The following PIGU variants were observed in gnomAD, a reference collection of about 807,000 sequenced individuals.
The protein encoded by PIGU is GPI-anchor transamidase component PIGU.
Under a neutral mutation model 49.9 loss-of-function variants are expected in PIGU, and 24 were observed. The ratio of observed to expected loss-of-function variants is 0.48; its 90% CI spans 0.35 to 0.68. The LOEUF is 0.68. Ranked by LOEUF, PIGU falls within the 30% of genes least tolerant of loss-of-function variation. The pLI, the probability that PIGU is intolerant of heterozygous loss-of-function variation, is 0.01. For missense variants in PIGU, 490 were observed against 532.6 expected, an observed-to-expected ratio of 0.92 and a Z score of 0.79; for synonymous variants, 220 against 205.7, an observed-to-expected ratio of 1.07 and a Z score of -0.59.
intron 4 of PIGU, chr20:34,643,895 C>T (rs1160909231): frequency 4.8e-6 from 1 of 208,486 alleles, no homozygotes; most frequent in Non-Finnish European, 9.8e-6. Context: ...TTCAGCACTA[C>T]TCCAGAAGTC....
At chr20:34,597,128 A>G (rs1218058414) in intron 7 of PIGU, among the ~76,000 whole-genome samples, 1 of 152,192 alleles carries the variant, frequency 6.6e-6, no homozygotes, top group Non-Finnish European at 1.5e-5. Context: ...TGTCCCAAAA[A>G]TTCTGCTAGG....
intron 1 of PIGU, among the ~76,000 whole-genome samples, chr20:34,670,122 T>C (rs1987259772): frequency 6.6e-6 from 1 of 152,174 alleles, no homozygotes; most frequent in Non-Finnish European, 1.5e-5. Context: ...AATGTTCACC[T>C]TACAATAATT....
intron 6 of PIGU, among the ~76,000 whole-genome samples, chr20:34,625,040 C>T (rs1017117310): frequency 2.6e-5 from 4 of 152,104 alleles, no homozygotes; most frequent in South Asian, 2.1e-4. Context: ...AATTTAATTT[C>T]GTTTTTAATT....
intron 1 of PIGU, among the ~76,000 whole-genome samples, chr20:34,660,088 A>G (rs1365227933): frequency 5.3e-5 from 3 of 56,424 alleles, no homozygotes; most frequent in Admixed American, 4.4e-4. Flanking sequence ...TAAAAAATAA[A>G]TAAATAATAA....
At chr20:34,582,730 A>G (rs1273817769) in intron 9 of PIGU, among the ~76,000 whole-genome samples, 1 of 152,130 alleles carries the variant, frequency 6.6e-6, no homozygotes, top group Non-Finnish European at 1.5e-5. Flanking sequence ...TTCACAGATG[A>G]GGAAACAGAT....
At chr20:34,630,922 G>A (rs1364572477) in intron 6 of PIGU, among the ~76,000 whole-genome samples, 2 of 151,970 alleles carry the variant, frequency 1.3e-5, no homozygotes, top group Non-Finnish European at 2.9e-5. Flanking sequence ...TGGGATTATG[G>A]GTGTGAGTCA....
At position 34,585,581 on chromosome 20, in the gene PIGU, C is replaced by A. The variant is rs745583713; in HGVS notation, c.783-1G>T. 1 of 1,612,082 alleles carries A rather than the reference C, an allele frequency of 6.2e-7. No individual in the cohort carries two copies. The highest frequency in any genetic ancestry group is 2.2e-5 in the East Asian group (1 of 44,874). Reference sequence around the variant, plus strand: ...TGGAGTGAGATCTGGAACAGAAAGTCTGGAATTAAGAAAACAAAGGGAGAG... The same window carrying A: ...TGGAGTGAGATCTGGAACAGAAAGTATGGAATTAAGAAAACAAAGGGAGAG... On this transcript the variant is annotated splice_acceptor_variant, in intron 8 of 11. Transcript: ENST00000217446. LOFTEE classifies it high-confidence loss of function.
intron 7 of PIGU, among the ~76,000 whole-genome samples, chr20:34,599,142 G>A (rs1984313065): frequency 6.6e-6 from 1 of 152,108 alleles, no homozygotes; most frequent in African/African-American, 2.4e-5. Flanking sequence ...TTGTTAATCA[G>A]TAAGACACTA....
chr20:34,563,046 G>A (rs1197650090), intron 11 of PIGU, among the ~76,000 whole-genome samples: 2 of 152,244 alleles, frequency 1.3e-5, no homozygotes, highest in African/African-American at 4.8e-5. Flanking sequence ...AAAAGATTAG[G>A]TTATTAGGTT....
chr20:34,663,189 G>C (rs957018486), intron 1 of PIGU, among the ~76,000 whole-genome samples: 1 of 152,182 alleles, frequency 6.6e-6, no homozygotes, highest in African/African-American at 2.4e-5. Flanking sequence ...ACAGGCGTGA[G>C]CCACTGCACC....
chr20:34,605,291 G>A (rs1984572698), intron 7 of PIGU, among the ~76,000 whole-genome samples: 1 of 152,080 alleles, frequency 6.6e-6, no homozygotes, highest in African/African-American at 2.4e-5. Flanking sequence ...CCCTCCCTTT[G>A]ATCTTGTGTC....
intron 7 of PIGU, among the ~76,000 whole-genome samples, chr20:34,611,506 C>A (rs1984811221): frequency 6.6e-6 from 1 of 151,660 alleles, no homozygotes; most frequent in Non-Finnish European, 1.5e-5. Flanking sequence ...ATGAGCCAGG[C>A]ATGGTGGCAC....
intron 7 of PIGU, among the ~76,000 whole-genome samples, chr20:34,610,839 T>C (rs1299010530): frequency 6.6e-6 from 1 of 152,178 alleles, no homozygotes; most frequent in Non-Finnish European, 1.5e-5. Context: ...AACAGCATGC[T>C]ACTGCTACCA....
At chr20:34,626,372 G>A (rs57654090) in intron 6 of PIGU, among the ~76,000 whole-genome samples, 15 of 149,360 alleles carry the variant, frequency 1.0e-4, no homozygotes, top group African/African-American at 3.7e-4. Context: ...GCGTGATCTC[G>A]GCTCACTGCA....
chr20:34,598,501 A>G (rs1287110413), intron 7 of PIGU, among the ~76,000 whole-genome samples: 3 of 152,234 alleles, frequency 2.0e-5, no homozygotes, highest in African/African-American at 7.2e-5. Flanking sequence ...TCTTGTGACA[A>G]AGAAAGCAAG....
At chr20:34,592,138 G>A (rs370874629) in intron 7 of PIGU, among the ~76,000 whole-genome samples, 33 of 150,008 alleles carry the variant, frequency 2.2e-4, no homozygotes, top group African/African-American at 7.1e-4. Context: ...GCAGTGAGCC[G>A]AGATCACGCC....
chr20:34,670,803 C>T (rs1987284974), intron 1 of PIGU, among the ~76,000 whole-genome samples: 1 of 152,182 alleles, frequency 6.6e-6, no homozygotes, highest in Non-Finnish European at 1.5e-5. Context: ...CTCAGCCTGC[C>T]AAAGTGCTGG....
At chr20:34,645,199 A>G in intron 3 of PIGU, 76 bp downstream of exon 3, 1 of 1,405,832 alleles carries the variant, frequency 7.1e-7, no homozygotes, top group Non-Finnish European at 9.4e-7. Flanking sequence ...AAAAAAAAAA[A>G]AAAAGAGAGA....
Position 34,636,525 on chromosome 20 carries a change from C to T in PIGU, c.428+1351G>A, listed in dbSNP as rs185542354. Reference sequence around the variant, plus strand: ...CACCACTGCACTCCAGCCTGGGCAACAGAGCAAGACTCCGTCTCAAATAAA... The same window carrying T: ...CACCACTGCACTCCAGCCTGGGCAATAGAGCAAGACTCCGTCTCAAATAAA... On this transcript the variant is annotated intron_variant, in intron 5 of 11. Coordinates refer to ENST00000217446, the MANE Select transcript of PIGU (RefSeq NM_080476.5). Among the ~76,000 whole-genome samples, 1,256 of 152,214 alleles carry T rather than the reference C, an allele frequency of 8.3e-3. 25 individuals are homozygous for T. Among genetic ancestry groups the T allele is most frequent in the African/African-American group, 0.029 (1,215 of 41,518 alleles).
Sources: allele counts gnomAD v4.1 joint callset (sites outside exome capture counted in the v4.1 genomes callset), GRCh38; gene constraint gnomAD v4.1.1; transcripts MANE v1.5; gene names NCBI Gene and HGNC (gene_info 2026-07-23, HGNC 2026-07-21).